Variants in GRM2 observed in about 807,000 individuals in gnomAD.
GRM2 encodes the protein glutamate metabotropic receptor 2, also known as metabotropic glutamate receptor 2.
GRM2 carries 35 observed loss-of-function variants against 60.4 expected under a neutral mutation model. The ratio of observed to expected loss-of-function variants is 0.58; its 90% confidence interval spans 0.44 to 0.77. The LOEUF is 0.77. Among genes scored for constraint, GRM2 ranks in the 30% least tolerant of loss-of-function variants. The pLI, the probability that GRM2 is intolerant of heterozygous loss-of-function variation, is 0.00. For missense variants in GRM2, 925 were observed against 1,199.5 expected (o/e 0.77, Z 3.38); for synonymous variants, 437 against 484.1 (o/e 0.90, Z 1.28).
rs1293924841 is a variant in GRM2, at chr3:51,716,410, T to C, written c.2364+273T>C. On this transcript the variant is annotated intron_variant, in intron 4 of 5. Transcript: ENST00000395052. The surrounding 1 kb of genome is among the most constrained non-coding windows in gnomAD (Gnocchi z 4.0). The stretch of plus-strand genomic sequence containing the variant: ...GGAAGGTGATGGGGGTGCAGAAATA[T>C]GTTCAAATGGACAGGGTTCTGCCCT... Among the ~76,000 whole-genome samples, 3 of 152,100 alleles carry C rather than the reference T, an allele frequency of 2.0e-5. No homozygotes were observed. Among genetic ancestry groups the C allele is most frequent in the East Asian group, 3.9e-4 (2 of 5,176 alleles).
chr3:51,710,369 G>C (rs942782295), intron 2 of GRM2, among the ~76,000 whole-genome samples: 1 of 152,284 alleles, frequency 6.6e-6, no homozygotes, highest in East Asian at 1.9e-4. Context: ...TCAGGGGCCC[G>C]GCAAGTCATA....
At position 51,712,230 on chromosome 3, in the gene GRM2, G is replaced by T. The variant is rs940009191; in HGVS notation, c.451-243G>T. Reference sequence around the variant, plus strand: ...AAAAGGGGATGGCAGAGGGGATCAGGTGTGGCTCATGACCCTGGTGTCTCC... The same window carrying T: ...AAAAGGGGATGGCAGAGGGGATCAGTTGTGGCTCATGACCCTGGTGTCTCC... On this transcript the variant is annotated intron_variant, in intron 2 of 5. Coordinates refer to ENST00000395052, the MANE Select transcript of GRM2 (RefSeq NM_000839.5). This position sits in a 1 kb window ranked among gnomAD's most constrained non-coding sequence, Gnocchi z 5.3. 2.0e-5 allele frequency among the ~76,000 whole-genome samples: 3 copies of T among 152,148 alleles called. No homozygotes were observed.
Position 51,715,252 on chromosome 3 carries a change from C to T in GRM2, c.1479C>T (p.Gly493=), listed in dbSNP as rs1401758256. The change falls in exon 4 of 6, where the codon GGC becomes GGT. Residue 493 remains glycine (G), a synonymous_variant. Transcript: ENST00000395052. This position sits in a 1 kb window ranked among gnomAD's most constrained non-coding sequence, Gnocchi z 9.0. ...TCCCATGGGCCTCACCCTCAGCCGGCCCCCTGCCCGCCTCTCGCTGCAGTG... is the reference window on the plus strand; with the variant it reads ...TCCCATGGGCCTCACCCTCAGCCGGTCCCCTGCCCGCCTCTCGCTGCAGTG... ...SLIPWASPSA[G]PLPASRCSEP... 7 of 1,608,746 alleles carry T rather than the reference C, an allele frequency of 4.4e-6. No homozygotes were observed. Among genetic ancestry groups the T allele is most frequent in the South Asian group, 1.1e-5 (1 of 90,262 alleles).
At chr3:51,709,687 C>CT (rs1703628477) in intron 2 of GRM2, among the ~76,000 whole-genome samples, 2 of 111,714 alleles carry the variant, frequency 1.8e-5, no homozygotes, top group Admixed American at 8.3e-5. Context: ...CACACACACC[C>CT]CACACACCCT....
chr3:51,709,310 A>C lies in GRM2; in HGVS notation c.327A>C (p.Ser109=). 6.2e-7 allele frequency: 1 copy of C among 1,602,764 alleles called. No individual in the cohort carries two copies. The highest frequency in any genetic ancestry group is 8.5e-7 in the Non-Finnish European group (1 of 1,171,704). The change falls in exon 2 of 6, where the codon TCA becomes TCC. Residue 109 remains serine (S), a synonymous_variant. Coordinates refer to ENST00000395052, the MANE Select transcript of GRM2 (RefSeq NM_000839.5). ...AGGCACTGGACTTTGTGCGTGCCTC[A>C]CTCAGCCGTGGTGCTGATGGCTCAC... The part of the protein sequence containing the change: ...LEQALDFVRA[S]LSRGADGSRH...
chr3:51,708,037 A>G (rs187188310), intron 1 of GRM2: 3 of 152,264 alleles, frequency 2.0e-5, no homozygotes, highest in African/African-American at 4.8e-5. Context: ...GAGTGAAGAG[A>G]AAACAGAGGC....
Position 51,715,459 on chromosome 3 carries a change from C to T in GRM2, c.1686C>T (p.Arg562=). 3 of 1,612,814 alleles carry T rather than the reference C, an allele frequency of 1.9e-6. No individual in the cohort carries two copies. Among genetic ancestry groups the T allele is most frequent in the Non-Finnish European group, 2.5e-6 (3 of 1,179,834 alleles). ...GCFELPQEYI[R]WGDAWAVGPV... The stretch of plus-strand genomic sequence containing the variant: ...TCGAACTGCCCCAGGAGTACATCCG[C>T]TGGGGCGATGCCTGGGCTGTGGGAC... Residue 562 remains arginine (R), a synonymous_variant, in exon 4 of 6, where the codon CGC becomes CGT. Coordinates refer to ENST00000395052, the MANE Select transcript of GRM2 (RefSeq NM_000839.5). This position sits in a 1 kb window ranked among gnomAD's most constrained non-coding sequence, Gnocchi z 9.0.
In GRM2 at chr3:51,712,850, G is replaced by A; in HGVS notation, c.828G>A (p.Arg276=). The part of the protein sequence containing the change: ...AVLFTRSEDA[R]ELLAASQRLN... ...TGTTCACCCGTTCTGAGGATGCCCG[G>A]GAGCTGCTTGCTGCCAGCCAGCGCC... Residue 276 remains arginine (R), a synonymous_variant, in exon 3 of 6, where the codon CGG becomes CGA. Transcript: ENST00000395052. This position sits in a 1 kb window ranked among gnomAD's most constrained non-coding sequence, Gnocchi z 5.3. 1.9e-6 allele frequency: 3 copies of A among 1,612,898 alleles called. No homozygotes were observed. The highest frequency in any genetic ancestry group is 2.5e-6 in the Non-Finnish European group (3 of 1,180,036).
At chr3:51,714,725 G>A (rs1041943057) in intron 3 of GRM2, 12 of 222,296 alleles carry the variant, frequency 5.4e-5, no homozygotes, top group African/African-American at 2.5e-4. Context: ...GCCTGGGTTG[G>A]AAAGTGTTGG....
intron 2 of GRM2, among the ~76,000 whole-genome samples, chr3:51,709,897 A>T (rs1252852825): frequency 7.4e-6 from 1 of 134,244 alleles, no homozygotes; most frequent in Non-Finnish European, 1.6e-5. Flanking sequence ...CTTAATAGTC[A>T]GGTCTCCCAC....
rs746059445 is a variant in GRM2 at position 51,713,254 on chromosome 3, G to T, written c.1232G>T (p.Arg411Leu). The T allele has an allele frequency of 1.9e-6, 3 of 1,612,954 alleles. No individual in the cohort carries two copies. The South Asian group carries it at 3.3e-5, about 18-fold the overall frequency. Residue 411 changes from arginine (R) to leucine (L), a missense_variant, in exon 3 of 6, where the codon CGG (arginine) becomes CTG (leucine). Physicochemically the swap from Arg to Leu is moderately radical, Grantham distance 102. Transcript: ENST00000395052. This position sits in a 1 kb window ranked among gnomAD's most constrained non-coding sequence, Gnocchi z 4.8. ...ACCACCCGGCTCTGTGACGCGATGC[G>T]GCCAGTTAACGGGCGCCGCCTCTAC... ...PNTTRLCDAM[R>L]PVNGRRLYKD...
chr3:51,716,925 G>A lies in GRM2; in HGVS notation c.2365-712G>A, dbSNP rs1382974834. ...CCCAGGACAGAGGTGTGGTGGCACA[G>A]TGCTGGGGGCCAGGGACCGCTGGGC... is the stretch of plus-strand genomic sequence containing the variant. On this transcript the variant is annotated intron_variant, in intron 4 of 5. Coordinates refer to ENST00000395052, the MANE Select transcript of GRM2 (RefSeq NM_000839.5). The surrounding 1 kb of genome is among the most constrained non-coding windows in gnomAD (Gnocchi z 4.0). Among the ~76,000 whole-genome samples the A allele has an allele frequency of 6.6e-6, 1 of 152,194 alleles. No individual in the cohort carries two copies. The highest frequency in any genetic ancestry group is 1.9e-4 in the East Asian group (1 of 5,184).
chr3:51,707,251 T>A (rs993991314), intron 1 of GRM2, 84 bp downstream of exon 1: 4 of 152,530 alleles, frequency 2.6e-5, no homozygotes, highest in African/African-American at 9.7e-5. Flanking sequence ...CTGCGGGCCC[T>A]CAAGTTGTGG....
At position 51,713,258 on chromosome 3, in the gene GRM2, A is replaced by G. The variant is rs1159849263; in HGVS notation, c.1236A>G (p.Pro412=). 4 of 1,612,792 alleles carry G rather than the reference A, an allele frequency of 2.5e-6. No homozygotes were observed. Among genetic ancestry groups the G allele is most frequent in the Admixed American group, 3.3e-5 (2 of 59,998 alleles). The part of the protein sequence containing the change: ...NTTRLCDAMR[P]VNGRRLYKDF... ...CCCGGCTCTGTGACGCGATGCGGCC[A>G]GTTAACGGGCGCCGCCTCTACAAGG... is the stretch of plus-strand genomic sequence containing the variant. The change falls in exon 3 of 6, where the codon CCA becomes CCG. Residue 412 remains proline, a synonymous_variant. Transcript: ENST00000395052. The surrounding 1 kb of genome is among the most constrained non-coding windows in gnomAD (Gnocchi z 4.8).
Position 51,717,613 on chromosome 3 carries a change from T to C in GRM2, c.2365-24T>C, listed in dbSNP as rs1302697960. The C allele has an allele frequency of 6.2e-7, 1 of 1,603,698 alleles. No individual in the cohort carries two copies. The highest frequency in any genetic ancestry group is 8.5e-7 in the Non-Finnish European group (1 of 1,173,516). ...TCAGGCCCAGGTCTTGACCTGTGCT[T>C]GTTCACCCACTCACCCACCGCAGGT... On this transcript the variant is annotated intron_variant, in intron 4 of 5. Coordinates refer to ENST00000395052, the MANE Select transcript of GRM2 (RefSeq NM_000839.5). The surrounding 1 kb of genome is among the most constrained non-coding windows in gnomAD (Gnocchi z 6.0).
At position 51,716,567 on chromosome 3, in the gene GRM2, T is replaced by C. The variant is rs1703903969; in HGVS notation, c.2364+430T>C. 6.6e-6 allele frequency among the ~76,000 whole-genome samples: 1 copy of C among 152,162 alleles called. No individual in the cohort carries two copies. Among genetic ancestry groups the C allele is most frequent in the Non-Finnish European group, 1.5e-5 (1 of 68,012 alleles). On this transcript the variant is annotated intron_variant, in intron 4 of 5. Coordinates refer to ENST00000395052, the MANE Select transcript of GRM2 (RefSeq NM_000839.5). The surrounding 1 kb of genome is among the most constrained non-coding windows in gnomAD (Gnocchi z 4.0). ...GAAAAGCTAAAGCAGGTGAAAATTG[T>C]TCCCCAGTTGGTGGCTTCTGAGCAA...
At position 51,717,888 on chromosome 3, in the gene GRM2, C is replaced by T. The variant is rs1703962197; in HGVS notation, c.2545+71C>T. The T allele has an allele frequency of 6.6e-7, 1 of 1,517,896 alleles. No individual in the cohort carries two copies. Among genetic ancestry groups the T allele is most frequent in the South Asian group, 1.1e-5 (1 of 88,264 alleles). The allele number at this position is 1,517,896 out of a possible 1,614,324, so 94.0% of individuals were successfully genotyped here. On this transcript the variant is annotated intron_variant, in intron 5 of 5. Transcript: ENST00000395052. The surrounding 1 kb of genome is among the most constrained non-coding windows in gnomAD (Gnocchi z 6.0). ...CCAGCTCCTTGGGTTGCTGAGATCTCTTGTCTGGGGGTGAGGTGCCCCCCA... is the reference window on the plus strand; with the variant it reads ...CCAGCTCCTTGGGTTGCTGAGATCTTTTGTCTGGGGGTGAGGTGCCCCCCA...
Position 51,712,311 on chromosome 3 carries a change from C to A in GRM2, c.451-162C>A, listed in dbSNP as rs1703737295. 1.3e-5 allele frequency among the ~76,000 whole-genome samples: 2 copies of A among 152,200 alleles called. No individual in the cohort carries two copies. The highest frequency in any genetic ancestry group is 2.9e-5 in the Non-Finnish European group (2 of 68,030). ...AAAGAGATAAAAAAACTCCCTAGCC[C>A]AGAGGGAAGACTGTCAAGTCAGGAT... is the stretch of plus-strand genomic sequence containing the variant. On this transcript the variant is annotated intron_variant, in intron 2 of 5. Coordinates refer to ENST00000395052, the MANE Select transcript of GRM2 (RefSeq NM_000839.5). This position sits in a 1 kb window ranked among gnomAD's most constrained non-coding sequence, Gnocchi z 5.3.
intron 2 of GRM2, among the ~76,000 whole-genome samples, chr3:51,710,837 A>G (rs1703688411): frequency 6.6e-6 from 1 of 152,168 alleles, no homozygotes; most frequent in Non-Finnish European, 1.5e-5. Flanking sequence ...CGATCCTCCC[A>G]TCTCTGACTG....
Sources: gnomAD v4.1 joint callset for allele counts (sites outside exome capture counted in the v4.1 genomes callset) on GRCh38, gnomAD v4.1.1 for gene constraint, Gnocchi (gnomAD v3.1) non-coding constraint, MANE v1.5 for transcripts, NCBI Gene and HGNC (gene_info 2026-07-23, HGNC 2026-07-21) for gene names.